LUC7L: variants seen among roughly 807,000 people sequenced by gnomAD.
LUC7L encodes LUC7 like, also known as putative RNA-binding protein Luc7-like 1.
A neutral mutation model predicts 51.1 loss-of-function variants in LUC7L; 29 were observed. The observed-to-expected ratio is 0.57, with a 90% CI of 0.42 to 0.77. The LOEUF is 0.77. LUC7L is among the 30% of genes least tolerant of loss of function. The probability of loss-of-function intolerance (pLI) is 0.00; values close to 1 mark genes in which losing one functional copy is unlikely to be tolerated. For missense variants in LUC7L, 403 were observed against 511.9 expected, an observed-to-expected ratio of 0.79 and a Z score of 2.05; for synonymous variants, 181 against 180.7, an observed-to-expected ratio of 1.00 and a Z score of -0.01.
At chr16:226,399 G>A (rs1304718354) in intron 2 of LUC7L, among the ~76,000 whole-genome samples, 1 of 152,170 alleles carries the variant, frequency 6.6e-6, no homozygotes, top group Non-Finnish European at 1.5e-5. Flanking sequence ...AATCACCACA[G>A]ATAACCTTCC....
At chr16:222,633 CTTTT>C (rs869258971) in intron 2 of LUC7L, among the ~76,000 whole-genome samples, 1 of 151,020 alleles carries the variant, frequency 6.6e-6, no homozygotes, top group Non-Finnish European at 1.5e-5. Flanking sequence ...AGACCCCTGT[CTTTT>C]TAATTTTTTT....
chr16:219,973 A>G (rs1461745938), intron 3 of LUC7L, among the ~76,000 whole-genome samples: 1 of 152,186 alleles, frequency 6.6e-6, no homozygotes, highest in Non-Finnish European at 1.5e-5. Context: ...TACAACCACT[A>G]AACTGCAAAA....
chr16:220,512 G>C, intron 3 of LUC7L, 137 bp downstream of exon 3: 2 of 687,124 alleles, frequency 2.9e-6, no homozygotes, highest in Non-Finnish European at 5.2e-6. Context: ...CTGTATTCTA[G>C]CTCTGAGCTT....
intron 7 of LUC7L, among the ~76,000 whole-genome samples, chr16:191,280 C>T (rs564979209): frequency 2.6e-5 from 4 of 152,134 alleles, no homozygotes; most frequent in Admixed American, 2.0e-4. Flanking sequence ...AAGCAAAGCC[C>T]GAAGTTCCAG....
At chr16:193,487 A>G (rs868665984) in intron 6 of LUC7L, among the ~76,000 whole-genome samples, 20 of 152,002 alleles carry the variant, frequency 1.3e-4, no homozygotes, top group African/African-American at 3.9e-4. Flanking sequence ...AAGATAACAC[A>G]TGAAAAAATG....
At chr16:190,698 G>A in intron 7 of LUC7L, 128 bp from the exon 8 acceptor site, 4 of 799,322 alleles carry the variant, frequency 5.0e-6, no homozygotes, top group Non-Finnish European at 8.6e-6. Flanking sequence ...TGGACAACGT[G>A]GTGAAACCCC....
At chr16:228,503 A>C in intron 1 of LUC7L, 1 of 1,232,814 alleles carries the variant, frequency 8.1e-7, no homozygotes, top group Non-Finnish European at 1.0e-6. Flanking sequence ...AAAGCTAAAA[A>C]GCACTTATTC....
intron 3 of LUC7L, among the ~76,000 whole-genome samples, chr16:218,210 G>A (rs1423972131): frequency 6.6e-6 from 1 of 151,484 alleles, no homozygotes; most frequent in Non-Finnish European, 1.5e-5. Context: ...AAAAAAGGAA[G>A]AATTTACTGT....
intron 8 of LUC7L, 132 bp downstream of exon 8, chr16:190,409 T>C: frequency 1.0e-6 from 1 of 994,344 alleles, no homozygotes; most frequent in Non-Finnish European, 1.6e-6. Flanking sequence ...CCAAGCAACC[T>C]CTTGCCCTGT....
At chr16:207,526 A>G (rs569643402) in intron 4 of LUC7L, among the ~76,000 whole-genome samples, 3 of 152,328 alleles carry the variant, frequency 2.0e-5, no homozygotes, top group African/African-American at 4.8e-5. Context: ...AGCGAAGAAT[A>G]TATTAAAATT....
chr16:195,830 TGTGA>T (rs1056932652), intron 6 of LUC7L, among the ~76,000 whole-genome samples: 4 of 151,958 alleles, frequency 2.6e-5, no homozygotes, highest in African/African-American at 9.7e-5. Flanking sequence ...CTGGGACTAC[TGTGA>T]GTGAGGCCTC....
chr16:227,228 C>G lies in LUC7L; in HGVS notation c.156+14G>C. Reference sequence around the variant, plus strand: ...TGTCAGAGTGTTCCATGAGGTCCCCCAAAATGCACCTACCGTCCCAGCCAG... The same window carrying G: ...TGTCAGAGTGTTCCATGAGGTCCCCGAAAATGCACCTACCGTCCCAGCCAG... On this transcript the variant is annotated intron_variant, in intron 2 of 9. Transcript: ENST00000293872. 1.2e-6 allele frequency: 2 copies of G among 1,609,478 alleles called. No individual in the cohort carries two copies. Among genetic ancestry groups the G allele is most frequent in the East Asian group, 2.2e-5 (1 of 44,840 alleles).
In LUC7L at chr16:190,568, G is replaced by A. The variant is rs560349891; in HGVS notation, c.779C>T (p.Ser260Leu). 2 of 1,613,164 alleles carry A rather than the reference G, an allele frequency of 1.2e-6. No homozygotes were observed. Among genetic ancestry groups the A allele is most frequent in the Admixed American group, 1.7e-5 (1 of 59,996 alleles). ...CCTGCGATCTCTGGTTCTTGATCCC[G>A]ACCTAAAAGGGGGAAAAAAAGATGA... ...REREERLSRR[S>L]GSRTRDRRRS... The change falls in exon 8 of 10, where the codon TCG becomes TTG. Residue 260 changes from serine (S) to leucine (L), a missense_variant and splice_region_variant. By Grantham distance (145) the Ser-to-Leu change is moderately radical. Coordinates refer to ENST00000293872, the MANE Select transcript of LUC7L (RefSeq NM_201412.3).
chr16:205,965 C>G (rs965779240), intron 5 of LUC7L, 39 bp downstream of exon 5: 17 of 1,580,606 alleles, frequency 1.1e-5, no homozygotes, highest in East Asian at 2.2e-5. Context: ...TGCCAAATTA[C>G]TAAGATTTCT....
chr16:226,826 A>G (rs747717322), intron 2 of LUC7L, among the ~76,000 whole-genome samples: 2 of 152,266 alleles, frequency 1.3e-5, no homozygotes, highest in African/African-American at 4.8e-5. Flanking sequence ...AGAATTTTAC[A>G]ACAGTGAAAT....
At chr16:207,809 A>T (rs149433969) in intron 4 of LUC7L, among the ~76,000 whole-genome samples, 2 of 152,264 alleles carry the variant, frequency 1.3e-5, no homozygotes, top group African/African-American at 4.8e-5. Context: ...GGAGATCAAG[A>T]CCATACCGGC....
intron 6 of LUC7L, 22 bp downstream of exon 6, chr16:199,040 C>G (rs2049244297): frequency 1.3e-6 from 2 of 1,573,510 alleles, no homozygotes; most frequent in African/African-American, 2.7e-5. Flanking sequence ...CCTCAGCTTT[C>G]TCCAGAAACA....
intron 3 of LUC7L, among the ~76,000 whole-genome samples, chr16:217,388 T>C (rs964413071): frequency 2.0e-5 from 3 of 152,034 alleles, no homozygotes; most frequent in African/African-American, 7.2e-5. Context: ...CCCAAATATA[T>C]ACACCTATTA....
intron 3 of LUC7L, 162 bp downstream of exon 3, chr16:220,487 T>C (rs191534281): frequency 4.8e-6 from 3 of 621,272 alleles, no homozygotes. Flanking sequence ...GGACACAACA[T>C]ATAAACAGTA....
Sources: allele counts gnomAD v4.1 joint callset (sites outside exome capture counted in the v4.1 genomes callset), GRCh38; gene constraint gnomAD v4.1.1; transcripts MANE v1.5; gene names NCBI Gene and HGNC (gene_info 2026-07-23, HGNC 2026-07-21).